STS: variants seen among roughly 807,000 people sequenced by gnomAD.
The protein encoded by STS is steryl-sulfatase.
Under a neutral mutation model 26.8 loss-of-function variants are expected in STS, and 7 were observed. The ratio of observed to expected loss-of-function variants is 0.26; its 90% CI spans 0.15 to 0.49. The LOEUF is 0.49. Ranked by LOEUF, STS falls within the 20% of genes least tolerant of loss-of-function variation. The probability of loss-of-function intolerance (pLI) is 0.98; values close to 1 mark genes in which losing one functional copy is unlikely to be tolerated. For synonymous variants in STS, 199 were observed against 189.4 expected (o/e 1.05, Z -0.42); for missense variants, 434 against 465.6 (o/e 0.93, Z 0.63).
intron 2 of STS, among the ~76,000 whole-genome samples, chrX:7,250,329 A>C (rs1392193913): frequency 1.8e-5 from 2 of 108,516 alleles, no homozygotes; most frequent in Non-Finnish European, 3.8e-5. Flanking sequence ...GAATGTTGTG[A>C]TTTGCTCTCA....
intron 1 of STS, among the ~76,000 whole-genome samples, chrX:7,170,950 G>T (rs1188350302): frequency 1.8e-5 from 2 of 111,713 alleles, no homozygotes; most frequent in Admixed American, 9.5e-5. Flanking sequence ...ATTGTACTAG[G>T]GGATGCTTCA....
At chrX:7,242,896 C>A (rs1297118172) in intron 2 of STS, among the ~76,000 whole-genome samples, 1 of 111,588 alleles carries the variant, frequency 9.0e-6, no homozygotes, top group Non-Finnish European at 1.9e-5. Context: ...ATCATAGAAC[C>A]ACCATAGGAC....
At chrX:7,325,315 C>A in intron 8 of STS, 24 bp from the exon 9 acceptor site, 1 of 1,209,896 alleles carries the variant, frequency 8.3e-7, no homozygotes, top group Non-Finnish European at 1.1e-6. Flanking sequence ...CCTGTTGCCT[C>A]TTACCTCTTT....
intron 9 of STS, among the ~76,000 whole-genome samples, chrX:7,329,644 G>A (rs771487304): frequency 8.9e-6 from 1 of 112,379 alleles, no homozygotes; most frequent in Non-Finnish European, 1.9e-5. Context: ...TCATTCAGAC[G>A]GTTGGACCCA....
At chrX:7,147,707 G>A (rs1932899639), upstream of STS, among the ~76,000 whole-genome samples, 1 of 111,826 alleles carries the variant, frequency 8.9e-6, no homozygotes, top group Non-Finnish European at 1.9e-5. Context: ...GTCCCGCCGC[G>A]CCTCGCTCTG....
intron 4 of STS, 21 bp from the exon 5 acceptor site, chrX:7,257,445 G>A (rs952122800): frequency 3.3e-6 from 4 of 1,211,018 alleles, no homozygotes; most frequent in African/African-American, 1.7e-5. Flanking sequence ...GTTCCTAAGG[G>A]TTGATTTTTT....
At chrX:7,243,362 C>T (rs1415934176) in intron 2 of STS, among the ~76,000 whole-genome samples, 6 of 112,099 alleles carry the variant, frequency 5.4e-5, no homozygotes, top group East Asian at 2.8e-4. Flanking sequence ...TGCATCTGGT[C>T]GCATTTTGGA....
rs1445992524 is a variant in STS at position 7,279,309 on chromosome X, A to ATG, written c.943+3223_943+3224insGT. Among the ~76,000 whole-genome samples the ATG allele has an allele frequency of 4.4e-3, 152 of 34,248 alleles. 1 individual carries two copies. The highest frequency in any genetic ancestry group is 7.2e-3 in the African/African-American group (79 of 10,922). The allele number at this position is 34,248 out of a possible 115,157, so 29.7% of individuals were successfully genotyped here. ...AAAAAAAAAATATATATATATATATATATGTGTGTGTGTGTGTGTGTGTGT... is the reference window on the plus strand; with the variant it reads ...AAAAAAAAAATATATATATATATATATGTATGTGTGTGTGTGTGTGTGTGTGT... On this transcript the variant is annotated intron_variant, in intron 7 of 10. Transcript: ENST00000674429.
At chrX:7,337,931 A>C (rs1233369133) in intron 10 of STS, among the ~76,000 whole-genome samples, 1 of 112,318 alleles carries the variant, frequency 8.9e-6, no homozygotes, top group Non-Finnish European at 1.9e-5. Flanking sequence ...CAAAAAACTT[A>C]ATGCTAGGAT....
At chrX:7,209,140 T>C (rs928903122) in intron 2 of STS, among the ~76,000 whole-genome samples, 1 of 111,400 alleles carries the variant, frequency 9.0e-6, no homozygotes, top group African/African-American at 3.3e-5. Context: ...TGACCATTAC[T>C]TAGCCCACAA....
At chrX:7,184,012 TAA>T (rs10707577) in intron 1 of STS, among the ~76,000 whole-genome samples, 31 of 103,801 alleles carry the variant, frequency 3.0e-4, no homozygotes, top group African/African-American at 8.7e-4. Context: ...CAAATAAAAA[TAA>T]AAAAAAAAAT....
At chrX:7,240,311 A>G (rs771948028) in intron 2 of STS, among the ~76,000 whole-genome samples, 7 of 108,572 alleles carry the variant, frequency 6.4e-5, no homozygotes, top group Non-Finnish European at 1.3e-4. Flanking sequence ...AACCAAAATC[A>G]TTTTGTGATT....
At chrX:7,306,025 T>C (rs1266282794) in intron 8 of STS, among the ~76,000 whole-genome samples, 5 of 111,700 alleles carry the variant, frequency 4.5e-5, no homozygotes, top group African/African-American at 1.6e-4. Context: ...AAAATTTTTT[T>C]TGCAGCATTA....
chrX:7,213,993 G>A (rs1323559459), intron 2 of STS, among the ~76,000 whole-genome samples: 1 of 111,359 alleles, frequency 9.0e-6, no homozygotes, highest in Non-Finnish European at 1.9e-5. Context: ...TGAGGCGGGA[G>A]GATTGCTTGA....
At chrX:7,338,316 A>C (rs964656380) in intron 10 of STS, among the ~76,000 whole-genome samples, 2 of 112,042 alleles carry the variant, frequency 1.8e-5, no homozygotes, top group Admixed American at 1.9e-4. Flanking sequence ...GTAGTCTGTG[A>C]GATAAATATT....
chrX:7,344,772 G>A (rs1166885310), intron 10 of STS, among the ~76,000 whole-genome samples: 1 of 111,786 alleles, frequency 8.9e-6, no homozygotes, highest in East Asian at 2.8e-4. Context: ...AGAAGCAGGG[G>A]CCGTAAGGGC....
intron 8 of STS, among the ~76,000 whole-genome samples, chrX:7,305,990 T>C (rs1337390143): frequency 1.8e-5 from 2 of 111,616 alleles, no homozygotes; most frequent in Non-Finnish European, 3.8e-5. Context: ...GAACCCACAA[T>C]AGTATTTTGA....
At chrX:7,277,269 T>C (rs1821283166) in intron 7 of STS, among the ~76,000 whole-genome samples, 1 of 112,214 alleles carries the variant, frequency 8.9e-6, no homozygotes, top group Admixed American at 9.4e-5. Flanking sequence ...TTTGTTTCCT[T>C]TTACTTTTTC....
chrX:7,179,667 A>G (rs1405076576), intron 1 of STS, among the ~76,000 whole-genome samples: 1 of 112,430 alleles, frequency 8.9e-6, no homozygotes, highest in Non-Finnish European at 1.9e-5. Flanking sequence ...TTAGTCACCC[A>G]TCTGCTGTCA....
Sources: allele counts gnomAD v4.1 joint callset (sites outside exome capture counted in the v4.1 genomes callset), GRCh38; gene constraint gnomAD v4.1.1; transcripts MANE v1.5; gene names NCBI Gene and HGNC (gene_info 2026-07-23, HGNC 2026-07-21).